The following TMEM207 variants were observed in gnomAD, a reference collection of about 807,000 sequenced individuals.
TMEM207 encodes transmembrane protein 207.
In TMEM207, 15 loss-of-function variants were observed where a neutral mutation model predicts 17.4. The observed-to-expected ratio is 0.86, with a 90% CI of 0.58 to 1.33. The LOEUF (loss-of-function observed/expected upper bound fraction) is 1.33. TMEM207 is among the 40% of genes most tolerant of loss of function. The probability of loss-of-function intolerance (pLI) is 0.00; values close to 1 mark genes in which losing one functional copy is unlikely to be tolerated. For missense variants in TMEM207, 205 were observed against 173.8 expected (o/e 1.18, Z -1.01); for synonymous variants, 70 against 65.6 (o/e 1.07, Z -0.33).
At chr3:190,449,259 A>G (rs1193771973) in intron 1 of TMEM207, among the ~76,000 whole-genome samples, 3 of 152,206 alleles carry the variant, frequency 2.0e-5, no homozygotes, top group Non-Finnish European at 4.4e-5. Flanking sequence ...ACACAGATCT[A>G]GAGATGCACG....
chr3:190,436,380 T>A (rs1719803225), intron 4 of TMEM207, among the ~76,000 whole-genome samples: 1 of 152,208 alleles, frequency 6.6e-6, no homozygotes, highest in African/African-American at 2.4e-5. Context: ...TTCTAACATG[T>A]CACCAGTGTC....
rs1225241912 is a variant in TMEM207, at chr3:190,429,726, C to A, written c.310G>T (p.Glu104Ter). The A allele has an allele frequency of 6.2e-7, 1 of 1,604,062 alleles. No homozygotes were observed. ...VGDLDSIYGT[E>*]AAVSPTVGIH... ...CCAACAGTTGGACTCACAGCTGCTT[C>A]TGTCCCTGGAAAGAGAAAGATGAAG... Residue 104 changes from glutamate (E) to a stop codon, truncating the protein, a stop_gained, in exon 5 of 5, where the codon GAA becomes TAA. Coordinates refer to ENST00000354905, the MANE Select transcript of TMEM207 (RefSeq NM_207316.3). LOFTEE classifies it low-confidence loss of function (END_TRUNC).
chr3:190,442,729 T>C (rs897521718), intron 2 of TMEM207, among the ~76,000 whole-genome samples: 2 of 149,876 alleles, frequency 1.3e-5, no homozygotes, highest in Non-Finnish European at 3.0e-5. Context: ...CTAAGACAAA[T>C]GGCCATGAAT....
intron 2 of TMEM207, among the ~76,000 whole-genome samples, chr3:190,445,418 G>A (rs1174510233): frequency 6.6e-6 from 1 of 152,182 alleles, no homozygotes; most frequent in East Asian, 1.9e-4. Flanking sequence ...GCACAGCAAA[G>A]CTTTGTTCAT....
chr3:190,440,997 AG>A lies in TMEM207; in HGVS notation c.158+440del, dbSNP rs554578980. Among the ~76,000 whole-genome samples, 49 of 152,132 alleles carry A rather than the reference AG, an allele frequency of 3.2e-4. No individual in the cohort carries two copies. In the South Asian group the frequency reaches 8.9e-3, roughly 28 times the overall value. ...GGCTGGAGAATGGCGGGAACCCGGGAGGCGGAGCTTGCATTGAGCCGAGATG... is the reference window on the plus strand; with the variant it reads ...GGCTGGAGAATGGCGGGAACCCGGGAGCGGAGCTTGCATTGAGCCGAGATG... On this transcript the variant is annotated intron_variant, in intron 3 of 4. Transcript: ENST00000354905.
At chr3:190,442,398 T>A (rs1274854215) in intron 2 of TMEM207, among the ~76,000 whole-genome samples, 1 of 152,238 alleles carries the variant, frequency 6.6e-6, no homozygotes, top group African/African-American at 2.4e-5. Context: ...AAGACATTCA[T>A]AAATGTCAGT....
At chr3:190,446,945 C>A (rs866035777) in intron 2 of TMEM207, among the ~76,000 whole-genome samples, 1 of 152,036 alleles carries the variant, frequency 6.6e-6, no homozygotes, top group Non-Finnish European at 1.5e-5. Context: ...CCAAAATTAA[C>A]GTAAAGAAAT....
intron 4 of TMEM207, among the ~76,000 whole-genome samples, chr3:190,434,813 G>A (rs531688189): frequency 2.1e-4 from 32 of 152,250 alleles, no homozygotes; most frequent in African/African-American, 7.0e-4. Flanking sequence ...AAGGAGAACC[G>A]GATCCAGAAG....
chr3:190,442,010 C>T (rs1258503474), intron 2 of TMEM207, among the ~76,000 whole-genome samples: 2 of 152,206 alleles, frequency 1.3e-5, no homozygotes, highest in Admixed American at 1.3e-4. Context: ...CGTGGCCATA[C>T]CTACCATTTA....
intron 2 of TMEM207, among the ~76,000 whole-genome samples, chr3:190,444,856 A>AT (rs952357682): frequency 1.5e-4 from 23 of 151,960 alleles, no homozygotes; most frequent in Admixed American, 3.3e-4. Flanking sequence ...AATTGCATGA[A>AT]TTTTTTTTTA....
At chr3:190,449,675 A>T in intron 1 of TMEM207, 60 bp downstream of exon 1, 5 of 1,489,050 alleles carry the variant, frequency 3.4e-6, no homozygotes, top group Non-Finnish European at 4.7e-6. Context: ...TAGCAAATCA[A>T]GTCCTCAGAG....
At chr3:190,437,992 G>A (rs528641657) in intron 4 of TMEM207, among the ~76,000 whole-genome samples, 49 of 150,480 alleles carry the variant, frequency 3.3e-4, no homozygotes, top group South Asian at 1.3e-3. Context: ...GTAAACTATC[G>A]CAAGGACAAA....
chr3:190,437,926 T>G (rs1719838164), intron 4 of TMEM207, among the ~76,000 whole-genome samples: 1 of 151,464 alleles, frequency 6.6e-6, no homozygotes, highest in African/African-American at 2.4e-5. Context: ...CCATAAAAAA[T>G]GATGAGTTCA....
chr3:190,429,366 A>G lies in TMEM207; in HGVS notation c.*229T>C. 2.0e-6 allele frequency: 1 copy of G among 502,916 alleles called. No homozygotes were observed. Among genetic ancestry groups the G allele is most frequent in the South Asian group, 2.4e-5 (1 of 42,544 alleles). The allele number at this position is 502,916 out of a possible 1,614,324, so 31.2% of individuals were successfully genotyped here. On this transcript the variant is annotated 3_prime_UTR_variant, in exon 5 of 5. Transcript: ENST00000354905. ...AGAAGCATTAATTTGGTTGTGTAGC[A>G]TAAAAGTATGATACAGCAGTGACAC...
At chr3:190,434,693 G>T (rs1054630589) in intron 4 of TMEM207, among the ~76,000 whole-genome samples, 3 of 152,180 alleles carry the variant, frequency 2.0e-5, no homozygotes, top group Non-Finnish European at 4.4e-5. Context: ...CATCTTTGAC[G>T]ATTTAGAGAA....
In TMEM207 at chr3:190,429,648, A is replaced by C. The variant is rs1289974860; in HGVS notation, c.388T>G (p.Phe130Val). The C allele has an allele frequency of 6.2e-7, 1 of 1,613,518 alleles. No homozygotes were observed. The highest frequency in any genetic ancestry group is 8.5e-7 in the Non-Finnish European group (1 of 1,179,694). The change falls in exon 5 of 5, where the codon TTT (phenylalanine) becomes GTT (valine). Residue 130 changes from phenylalanine (F) to valine (V), a missense_variant. By Grantham distance (50) the Phe-to-Val change is conservative (BLOSUM62 -1). Coordinates refer to ENST00000354905, the MANE Select transcript of TMEM207 (RefSeq NM_207316.3). Reference protein sequence around the residue: ...PDLYPVPAPCFGPLGSPPPYE... With the variant: ...PDLYPVPAPCVGPLGSPPPYE... ...GGAGGTGGGGAGCCTAAAGGGCCAAAACATGGAGCAGGAACAGGATATAGG... is the reference window on the plus strand; with the variant it reads ...GGAGGTGGGGAGCCTAAAGGGCCAACACATGGAGCAGGAACAGGATATAGG...
chr3:190,447,079 A>G (rs1383756545), intron 2 of TMEM207, among the ~76,000 whole-genome samples: 1 of 142,064 alleles, frequency 7.0e-6, no homozygotes, highest in Non-Finnish European at 1.5e-5. Flanking sequence ...ATACAGTCAT[A>G]GCCTCCTGCT....
Position 190,429,365 on chromosome 3 carries a change from C to G in TMEM207, c.*230G>C. ...GAGAAGCATTAATTTGGTTGTGTAGCATAAAAGTATGATACAGCAGTGACA... is the reference window on the plus strand; with the variant it reads ...GAGAAGCATTAATTTGGTTGTGTAGGATAAAAGTATGATACAGCAGTGACA... On this transcript the variant is annotated 3_prime_UTR_variant, in exon 5 of 5. Transcript: ENST00000354905. The G allele has an allele frequency of 2.0e-6, 1 of 496,184 alleles. No individual in the cohort carries two copies. Among genetic ancestry groups the G allele is most frequent in the East Asian group, 3.7e-5 (1 of 27,008 alleles). 30.7% of individuals were successfully genotyped at this position (496,184 alleles called of 1,614,324 possible).
At chr3:190,430,425 C>T (rs1401182041) in intron 4 of TMEM207, among the ~76,000 whole-genome samples, 1 of 151,514 alleles carries the variant, frequency 6.6e-6, no homozygotes, top group African/African-American at 2.4e-5. Flanking sequence ...TTAGTATTTC[C>T]TTGAAAGACT....
Sources: allele counts gnomAD v4.1 joint callset (sites outside exome capture counted in the v4.1 genomes callset), GRCh38; gene constraint gnomAD v4.1.1; transcripts MANE v1.5; gene names NCBI Gene and HGNC (gene_info 2026-07-23, HGNC 2026-07-21).